The following USP3 variants were observed in gnomAD, a reference collection of about 807,000 sequenced individuals.
USP3 encodes ubiquitin specific peptidase 3.
In USP3, 20 loss-of-function variants were observed where a neutral mutation model predicts 72.3. The ratio of observed to expected loss-of-function variants is 0.28; its 90% CI spans 0.19 to 0.40. USP3 has a LOEUF of 0.40. USP3 is among the 10% of genes least tolerant of loss of function. USP3 has a pLI of 1.00. For synonymous variants in USP3, 222 were observed against 225.3 expected (o/e 0.99, Z 0.13); for missense variants, 479 against 633.9 (o/e 0.76, Z 2.62).
chr15:63,512,388 C>A (rs1567089191), intron 1 of USP3, among the ~76,000 whole-genome samples: 1 of 147,466 alleles, frequency 6.8e-6, no homozygotes, highest in African/African-American at 2.5e-5. Context: ...CTTTCTTTTT[C>A]TTCTTTCTTC....
Position 63,574,016 on chromosome 15 carries a change from G to GT in USP3, c.909-30_909-29insT. 1 of 1,472,864 alleles carries GT rather than the reference G, an allele frequency of 6.8e-7. No homozygotes were observed. Among genetic ancestry groups the GT allele is most frequent in the Non-Finnish European group, 9.2e-7 (1 of 1,088,518 alleles). 91.2% of individuals were successfully genotyped at this position (1,472,864 alleles called of 1,614,324 possible). ...TGTCAAAGAGATGGCTTCTTACTGA[G>GT]ATATTTTCCTGTGTGGTGATTTTGT... is the stretch of plus-strand genomic sequence containing the variant. On this transcript the variant is annotated intron_variant, in intron 9 of 14. Transcript: ENST00000380324. This position sits in a 1 kb window ranked among gnomAD's most constrained non-coding sequence, Gnocchi z 4.6.
chr15:63,504,993 G>T (rs554273815), intron 1 of USP3, among the ~76,000 whole-genome samples, 163 bp downstream of exon 1: 2 of 150,534 alleles, frequency 1.3e-5, no homozygotes, highest in African/African-American at 4.8e-5. Context: ...GGGCGCGTGC[G>T]GGAGCGGCGG....
intron 3 of USP3, among the ~76,000 whole-genome samples, chr15:63,552,172 G>A (rs2066446782): frequency 6.6e-6 from 1 of 152,054 alleles, no homozygotes. Flanking sequence ...TGGACACTGA[G>A]GATTGTTTTA....
chr15:63,536,971 T>A, intron 2 of USP3, 54 bp from the exon 3 acceptor site: 1 of 1,541,590 alleles, frequency 6.5e-7, no homozygotes, highest in Non-Finnish European at 8.8e-7. Flanking sequence ...CATTTCCTAC[T>A]CCTTTAATTT....
chr15:63,515,041 G>A (rs2065833183), intron 1 of USP3, among the ~76,000 whole-genome samples: 1 of 152,082 alleles, frequency 6.6e-6, no homozygotes, highest in African/African-American at 2.4e-5. Context: ...ATAATTTTTT[G>A]AAGCTATTTG....
chr15:63,512,116 C>G (rs142014613), intron 1 of USP3, among the ~76,000 whole-genome samples: 1 of 151,786 alleles, frequency 6.6e-6, no homozygotes, highest in Non-Finnish European at 1.5e-5. Context: ...CCACCATACC[C>G]GGCTAATTTT....
intron 1 of USP3, among the ~76,000 whole-genome samples, chr15:63,521,667 C>G (rs576993644): frequency 1.3e-5 from 2 of 152,202 alleles, no homozygotes; most frequent in Non-Finnish European, 2.9e-5. Flanking sequence ...ACACACTCAT[C>G]AGTGCTTTTC....
intron 2 of USP3, among the ~76,000 whole-genome samples, chr15:63,533,310 G>A (rs1461108375): frequency 6.6e-6 from 1 of 152,040 alleles, no homozygotes; most frequent in Non-Finnish European, 1.5e-5. Context: ...ATGTTTCATT[G>A]TTCCATTAAA....
rs1485448402 is a variant in USP3, at chr15:63,528,284, T to C, written c.92-4363T>C. 3 of 152,212 alleles carry C rather than the reference T, an allele frequency of 2.0e-5. No homozygotes were observed. The highest frequency in any genetic ancestry group is 2.9e-5 in the Non-Finnish European group (2 of 68,038). The allele number at this position is 152,212 out of a possible 1,614,324, so 9.4% of individuals were successfully genotyped here. A position where few individuals can be genotyped will look rare whatever the true frequency, so the allele number is the denominator to read the frequency against. On this transcript the variant is annotated intron_variant, in intron 1 of 14. Coordinates refer to ENST00000380324, the MANE Select transcript of USP3 (RefSeq NM_006537.4). This position sits in a 1 kb window ranked among gnomAD's most constrained non-coding sequence, Gnocchi z 4.3. Reference sequence around the variant, plus strand: ...CTGAGTAAAAGATGAGTTTCACTTATGAGACTCCCAGTCACACCGCTATGG... The same window carrying C: ...CTGAGTAAAAGATGAGTTTCACTTACGAGACTCCCAGTCACACCGCTATGG...
chr15:63,550,510 C>T (rs1370768442), intron 3 of USP3, among the ~76,000 whole-genome samples: 1 of 152,178 alleles, frequency 6.6e-6, no homozygotes, highest in Non-Finnish European at 1.5e-5. Context: ...AAAATATCTA[C>T]AACATAAGAT....
Position 63,544,044 on chromosome 15 carries a change from TA to T in USP3, c.284+6903del, listed in dbSNP as rs201842716. On this transcript the variant is annotated intron_variant, in intron 3 of 14. Transcript: ENST00000380324. The surrounding 1 kb of genome is among the most constrained non-coding windows in gnomAD (Gnocchi z 4.2). ...GGGCAACACAGGGAGACACTGTCTT[TA>T]AAAAAAAAAAAAAAGGAAATTAGTT... Among the ~76,000 whole-genome samples, 1,118 of 133,998 alleles carry T rather than the reference TA, an allele frequency of 8.3e-3. 3 individuals carry two copies. Among genetic ancestry groups the T allele is most frequent in the East Asian group, 0.026 (124 of 4,776 alleles). The allele number at this position is 133,998 out of a possible 152,430, so 87.9% of individuals were successfully genotyped here.
chr15:63,588,771 G>A lies in USP3; in HGVS notation c.1285G>A (p.Glu429Lys). Residue 429 changes from glutamate to lysine, a missense_variant, in exon 13 of 15, where the codon GAA (glutamate) becomes AAA (lysine). By Grantham distance (56) the Glu-to-Lys change is moderately conservative. Transcript: ENST00000380324. The surrounding 1 kb of genome is among the most constrained non-coding windows in gnomAD (Gnocchi z 4.6). The stretch of plus-strand genomic sequence containing the variant: ...AAGAAATAAAGTTGATACATACGTA[G>A]AATTTCCACTGAGAGGCCTAGACAT... Reference protein sequence around the residue: ...YLRNKVDTYVEFPLRGLDMKC... With the variant: ...YLRNKVDTYVKFPLRGLDMKC... The A allele has an allele frequency of 6.2e-7, 1 of 1,614,204 alleles. No individual in the cohort carries two copies.
chr15:63,582,417 C>T (rs1048535765), intron 11 of USP3, among the ~76,000 whole-genome samples: 3 of 152,200 alleles, frequency 2.0e-5, no homozygotes, highest in African/African-American at 7.2e-5. Flanking sequence ...GTCCCCACCT[C>T]TTGGCAGGCA....
intron 5 of USP3, 34 bp downstream of exon 5, chr15:63,556,782 T>G: frequency 7.2e-7 from 1 of 1,389,326 alleles, no homozygotes; most frequent in Non-Finnish European, 9.9e-7. Flanking sequence ...ATATAAGAGT[T>G]AGTTGAGATT....
chr15:63,562,554 T>A (rs752285370), intron 7 of USP3, among the ~76,000 whole-genome samples: 5 of 152,162 alleles, frequency 3.3e-5, no homozygotes, highest in Admixed American at 6.5e-5. Flanking sequence ...GCCGAATGCT[T>A]GTTTTGCATT....
rs1317066167 is a variant in USP3 at position 63,588,200 on chromosome 15, G to C, written c.1097-105G>C. 1.2e-6 allele frequency: 1 copy of C among 823,018 alleles called. No individual in the cohort carries two copies. The highest frequency in any genetic ancestry group is 2.8e-5 in the Admixed American group (1 of 35,738). The allele number at this position is 823,018 out of a possible 1,614,324, so 51.0% of individuals were successfully genotyped here. A position where few individuals can be genotyped will look rare whatever the true frequency, so the allele number is the denominator to read the frequency against. On this transcript the variant is annotated intron_variant, in intron 11 of 14. Coordinates refer to ENST00000380324, the MANE Select transcript of USP3 (RefSeq NM_006537.4). The surrounding 1 kb of genome is among the most constrained non-coding windows in gnomAD (Gnocchi z 4.6). ...GAGAAAGGTTAACTTTTCTAAGGTC[G>C]TATAGCTAATAAAGCTGAGATTTTA...
chr15:63,588,185 A>T lies in USP3; in HGVS notation c.1097-120A>T. The T allele has an allele frequency of 1.4e-6, 1 of 693,690 alleles. No individual in the cohort carries two copies. Among genetic ancestry groups the T allele is most frequent in the Non-Finnish European group, 2.3e-6 (1 of 428,370 alleles). 43.0% of individuals were successfully genotyped at this position (693,690 alleles called of 1,614,324 possible). A position where few individuals can be genotyped will look rare whatever the true frequency, so the allele number is the denominator to read the frequency against. ...CTCCAGTTTGCAATTGAGAAAGGTT[A>T]ACTTTTCTAAGGTCGTATAGCTAAT... On this transcript the variant is annotated intron_variant, in intron 11 of 14. Coordinates refer to ENST00000380324, the MANE Select transcript of USP3 (RefSeq NM_006537.4). The surrounding 1 kb of genome is among the most constrained non-coding windows in gnomAD (Gnocchi z 4.6).
At chr15:63,560,931 G>A (rs1240532275) in intron 7 of USP3, among the ~76,000 whole-genome samples, 1 of 152,120 alleles carries the variant, frequency 6.6e-6, no homozygotes, top group Non-Finnish European at 1.5e-5. Context: ...ATTCTGAAGG[G>A]GTGATCAGAC....
rs2152657365 is a variant in USP3 at position 63,529,488 on chromosome 15, C to T, written c.92-3159C>T. ...AGTTACTTCCCATTCTCTTGACCCC[C>T]TCAGTCTTAGAGTTTTTTGGTTTTT... is the stretch of plus-strand genomic sequence containing the variant. On this transcript the variant is annotated intron_variant, in intron 1 of 14. Coordinates refer to ENST00000380324, the MANE Select transcript of USP3 (RefSeq NM_006537.4). This position sits in a 1 kb window ranked among gnomAD's most constrained non-coding sequence, Gnocchi z 4.2. Among the ~76,000 whole-genome samples the T allele has an allele frequency of 6.6e-6, 1 of 152,242 alleles. No individual in the cohort carries two copies. Among genetic ancestry groups the T allele is most frequent in the East Asian group, 1.9e-4 (1 of 5,190 alleles).
Sources: gnomAD v4.1 joint callset for allele counts (sites outside exome capture counted in the v4.1 genomes callset) on GRCh38, gnomAD v4.1.1 for gene constraint, Gnocchi (gnomAD v3.1) non-coding constraint, MANE v1.5 for transcripts, NCBI Gene and HGNC (gene_info 2026-07-23, HGNC 2026-07-21) for gene names.